ADK: variants seen among roughly 807,000 people sequenced by gnomAD.
ADK encodes the protein N6,N6-dimethyladenosine kinase.
A neutral mutation model predicts 44.7 loss-of-function variants in ADK; 24 were observed. That is an observed-to-expected ratio of 0.54 (90% CI 0.39 to 0.76). The LOEUF (loss-of-function observed/expected upper bound fraction) is 0.76. ADK is among the 30% of genes least tolerant of loss of function. ADK has a pLI of 0.00. For synonymous variants in ADK, 128 were observed against 142.6 expected, an observed-to-expected ratio of 0.90 and a Z score of 0.73; for missense variants, 321 against 425.1, an observed-to-expected ratio of 0.76 and a Z score of 2.15.
intron 7 of ADK, among the ~76,000 whole-genome samples, chr10:74,546,639 T>A (rs760842757): frequency 6.6e-6 from 1 of 152,136 alleles, no homozygotes; most frequent in Non-Finnish European, 1.5e-5. Context: ...CTTGAGTGTT[T>A]TATATAGTAG....
chr10:74,573,792 G>A (rs76693558), intron 7 of ADK, among the ~76,000 whole-genome samples: 42 of 152,216 alleles, frequency 2.8e-4, no homozygotes, highest in Non-Finnish European at 5.0e-4. Flanking sequence ...GACTCCATGG[G>A]CGTAGGACCC....
chr10:74,202,850 C>T (rs1458175076), intron 2 of ADK, among the ~76,000 whole-genome samples: 2 of 152,148 alleles, frequency 1.3e-5, no homozygotes, highest in South Asian at 2.1e-4. Context: ...ATTCTGGATA[C>T]TAGACCCTAT....
chr10:74,264,452 C>T (rs1442849218), intron 3 of ADK, among the ~76,000 whole-genome samples: 4 of 152,034 alleles, frequency 2.6e-5, no homozygotes, highest in Non-Finnish European at 5.9e-5. Context: ...TTGTGATTGC[C>T]TCTTAATGTC....
chr10:74,225,561 T>C (rs563216083), intron 3 of ADK, among the ~76,000 whole-genome samples: 2 of 152,242 alleles, frequency 1.3e-5, no homozygotes, highest in Non-Finnish European at 2.9e-5. Flanking sequence ...TTAAAAACTG[T>C]CTTGAACCTT....
At chr10:74,548,586 T>A (rs1849919778) in intron 7 of ADK, among the ~76,000 whole-genome samples, 1 of 152,128 alleles carries the variant, frequency 6.6e-6, no homozygotes, top group Admixed American at 6.5e-5. Flanking sequence ...ACCCTACCAG[T>A]GGTTTGAGTA....
intron 4 of ADK, among the ~76,000 whole-genome samples, chr10:74,378,412 T>C (rs1842878801): frequency 6.6e-6 from 1 of 152,184 alleles, no homozygotes; most frequent in Non-Finnish European, 1.5e-5. Context: ...AGTGATAACA[T>C]GCATCCTACA....
intron 7 of ADK, among the ~76,000 whole-genome samples, chr10:74,547,195 A>G (rs552246886): frequency 3.3e-5 from 5 of 152,086 alleles, no homozygotes; most frequent in African/African-American, 4.8e-5. Flanking sequence ...GTGCTTAACC[A>G]TAGTACATAT....
chr10:74,333,673 T>G (rs1841305287), intron 4 of ADK, among the ~76,000 whole-genome samples: 1 of 152,184 alleles, frequency 6.6e-6, no homozygotes, highest in Non-Finnish European at 1.5e-5. Context: ...AATTTTTAAT[T>G]TATTGTTTTG....
chr10:74,302,109 GTTTTTTTTTTTTTTTTTTT>G (rs1172807289), intron 3 of ADK, among the ~76,000 whole-genome samples: 325 of 13,012 alleles, frequency 0.025, 7 homozygotes, highest in African/African-American at 0.074. Flanking sequence ...TTGTTTGTTT[GTTTTTTTTTTTTTTTTTTT>G]TTTTTTTTTT....
At chr10:74,395,953 G>A (rs1223588032) in intron 5 of ADK, among the ~76,000 whole-genome samples, 1 of 152,218 alleles carries the variant, frequency 6.6e-6, no homozygotes, top group African/African-American at 2.4e-5. Context: ...GGAGGTTGCA[G>A]TGAGCCGAGA....
intron 7 of ADK, among the ~76,000 whole-genome samples, chr10:74,543,818 T>C (rs1424591738): frequency 1.3e-5 from 2 of 152,204 alleles, no homozygotes; most frequent in African/African-American, 4.8e-5. Context: ...TAAAAAGTGA[T>C]CATTCTTTAA....
chr10:74,253,062 A>C (rs1845702967), intron 3 of ADK, among the ~76,000 whole-genome samples: 1 of 152,192 alleles, frequency 6.6e-6, no homozygotes, highest in Admixed American at 6.5e-5. Flanking sequence ...ACATAGATGT[A>C]GTTTTGCAGG....
At chr10:74,569,936 G>C (rs1850876010) in intron 7 of ADK, among the ~76,000 whole-genome samples, 1 of 152,092 alleles carries the variant, frequency 6.6e-6, no homozygotes, top group Non-Finnish European at 1.5e-5. Flanking sequence ...AATCCATCTT[G>C]AATTAATTTT....
intron 2 of ADK, among the ~76,000 whole-genome samples, chr10:74,213,341 T>TTG (rs1463157950): frequency 1.3e-5 from 2 of 152,208 alleles, no homozygotes; most frequent in Non-Finnish European, 2.9e-5. Context: ...TGGAATCCTC[T>TTG]GACCTCATTC....
intron 4 of ADK, among the ~76,000 whole-genome samples, chr10:74,364,214 T>C (rs1436579120): frequency 1.3e-5 from 2 of 152,340 alleles, no homozygotes; most frequent in South Asian, 4.1e-4. Flanking sequence ...TTCTCATGCC[T>C]TGAGTCTAAT....
intron 9 of ADK, 125 bp from the exon 10 acceptor site, chr10:74,670,058 A>C (rs1354720200): frequency 1.3e-6 from 1 of 790,052 alleles, no homozygotes; most frequent in Non-Finnish European, 2.2e-6. Context: ...TGTACAGAAT[A>C]TGGAGCTTAT....
intron 9 of ADK, among the ~76,000 whole-genome samples, chr10:74,622,177 C>G (rs1853018219): frequency 6.6e-6 from 1 of 152,152 alleles, no homozygotes; most frequent in South Asian, 2.1e-4. Flanking sequence ...TCTGTCTTGA[C>G]AGTCCCAAAC....
At chr10:74,444,047 G>C in intron 6 of ADK, among the ~76,000 whole-genome samples, 1 of 152,076 alleles carries the variant, frequency 6.6e-6, no homozygotes, top group South Asian at 2.1e-4. Context: ...TAGATCACCA[G>C]TTCTATCTCC....
intron 4 of ADK, among the ~76,000 whole-genome samples, chr10:74,383,275 G>A (rs1564689490): frequency 6.6e-6 from 1 of 151,988 alleles, no homozygotes; most frequent in Non-Finnish European, 1.5e-5. Flanking sequence ...CTGTACTTTA[G>A]GAAATACTAT....
Sources: allele counts gnomAD v4.1 joint callset (sites outside exome capture counted in the v4.1 genomes callset), GRCh38; gene constraint gnomAD v4.1.1; transcripts MANE v1.5; gene names NCBI Gene and HGNC (gene_info 2026-07-23, HGNC 2026-07-21).